Variants in NTM observed in about 807,000 individuals in gnomAD.
The protein encoded by NTM is neurotrimin.
NTM carries 13 observed loss-of-function variants against 42.1 expected under a neutral mutation model. That is an observed-to-expected ratio of 0.31 (90% CI 0.20 to 0.49). NTM has a LOEUF of 0.49. Ranked by LOEUF, NTM falls within the 20% of genes least tolerant of loss-of-function variation. The pLI is 0.99. For synonymous variants in NTM, 187 were observed against 179.2 expected (o/e 1.04, Z -0.35); for missense variants, 373 against 452.8 (o/e 0.82, Z 1.60).
rs528922133 is a variant in NTM, at chr11:132,067,288, C to G, written c.168-78994C>G. On this transcript the variant is annotated intron_variant, in intron 2 of 8. Transcript: ENST00000683400. Reference sequence around the variant, plus strand: ...TATTTTTTAGCCTCTCACAGTGTGCCCAACCTTTGGCTTCCAAAGATTCTT... The same window carrying G: ...TATTTTTTAGCCTCTCACAGTGTGCGCAACCTTTGGCTTCCAAAGATTCTT... Among the ~76,000 whole-genome samples, 19 of 152,322 alleles carry G rather than the reference C, an allele frequency of 1.2e-4. No individual in the cohort carries two copies. The South Asian group carries it at 3.9e-3, about 32-fold the overall frequency.
chr11:131,553,929 A>G (rs565100575), intron 1 of NTM, among the ~76,000 whole-genome samples: 1 of 152,282 alleles, frequency 6.6e-6, no homozygotes, highest in African/African-American at 2.4e-5. Flanking sequence ...TTGATACCTC[A>G]AGCCCTCTTA....
intron 1 of NTM, among the ~76,000 whole-genome samples, chr11:131,758,351 G>A (rs1421960058): frequency 6.6e-6 from 1 of 151,738 alleles, no homozygotes; most frequent in Non-Finnish European, 1.5e-5. Flanking sequence ...GCAAATGGAT[G>A]TTATTTACAT....
At chr11:131,473,024 A>C (rs1409916511) in intron 1 of NTM, among the ~76,000 whole-genome samples, 1 of 152,214 alleles carries the variant, frequency 6.6e-6, no homozygotes, top group Non-Finnish European at 1.5e-5. Flanking sequence ...TAATACTAAT[A>C]ACAATGAAAA....
At chr11:131,682,038 G>A (rs527868229) in intron 1 of NTM, among the ~76,000 whole-genome samples, 1 of 152,216 alleles carries the variant, frequency 6.6e-6, no homozygotes, top group African/African-American at 2.4e-5. Flanking sequence ...AAAGTACACC[G>A]AGGACCCAGC....
intron 1 of NTM, among the ~76,000 whole-genome samples, chr11:131,501,763 G>A (rs561284000): frequency 1.2e-4 from 19 of 152,296 alleles, no homozygotes; most frequent in African/African-American, 3.8e-4. Flanking sequence ...GGGAGTTAGA[G>A]AAAGCAAAAT....
chr11:131,688,275 A>G lies in NTM; in HGVS notation c.83-223289A>G, dbSNP rs560797189. Among the ~76,000 whole-genome samples, 175 of 152,304 alleles carry G rather than the reference A, an allele frequency of 1.1e-3. 1 individual carries two copies. Among genetic ancestry groups the G allele is most frequent in the African/African-American group, 4.0e-3 (165 of 41,586 alleles). ...TCAGCGGACTCCAGACAGGGGGGAA[A>G]GCAGCTTGCCCGTCCTCCTTCCGTG... On this transcript the variant is annotated intron_variant, in intron 1 of 8. Coordinates refer to ENST00000683400, the MANE Select transcript of NTM (RefSeq NM_001352005.2).
rs183035791 is a variant in NTM at position 132,156,067 on chromosome 11, C to T, written c.400+9553C>T. On this transcript the variant is annotated intron_variant, in intron 3 of 8. Transcript: ENST00000683400. ...CTCCCGACTGTTAGAATGAAAATAG[C>T]GATTCTGCCACACCCACTTTGCACC... is the stretch of plus-strand genomic sequence containing the variant. Among the ~76,000 whole-genome samples the T allele has an allele frequency of 5.3e-5, 8 of 152,246 alleles. No homozygotes were observed. The East Asian group carries it at 1.5e-3, about 29-fold the overall frequency.
intron 1 of NTM, among the ~76,000 whole-genome samples, chr11:131,599,855 C>T (rs932556420): frequency 3.9e-5 from 6 of 152,240 alleles, no homozygotes; most frequent in Non-Finnish European, 8.8e-5. Flanking sequence ...AGACCTAGAT[C>T]TGTAGCAGAA....
intron 1 of NTM, among the ~76,000 whole-genome samples, chr11:131,568,738 G>A (rs56326142): frequency 0.082 from 12,477 of 152,192 alleles, 1,519 homozygotes; most frequent in African/African-American, 0.27. Flanking sequence ...ACCACGGCCA[G>A]TTGAGTATGG....
At chr11:131,588,997 G>A (rs958857963) in intron 1 of NTM, among the ~76,000 whole-genome samples, 2 of 152,290 alleles carry the variant, frequency 1.3e-5, no homozygotes, top group African/African-American at 2.4e-5. Context: ...GGAGCCTCAC[G>A]CTGCAGAGGA....
At chr11:131,948,983 C>T (rs188182416) in intron 2 of NTM, among the ~76,000 whole-genome samples, 2 of 152,302 alleles carry the variant, frequency 1.3e-5, no homozygotes, top group East Asian at 3.9e-4. Context: ...AGCAACTCCA[C>T]GTTTCTCCCT....
At chr11:131,936,514 G>T (rs1353761927) in intron 2 of NTM, among the ~76,000 whole-genome samples, 1 of 152,174 alleles carries the variant, frequency 6.6e-6, no homozygotes, top group Non-Finnish European at 1.5e-5. Context: ...GGAGGTGAGG[G>T]TTGGAAAACT....
chr11:131,873,537 T>TGTGTGTGTGTATATATATACC (rs1565657182), intron 1 of NTM, among the ~76,000 whole-genome samples: 1 of 72,114 alleles, frequency 1.4e-5, no homozygotes, highest in African/African-American at 3.8e-5. Context: ...TGTGTGTGTG[T>TGTGTGTGTGTATATATATACC]GTATATATAT....
intron 1 of NTM, among the ~76,000 whole-genome samples, chr11:131,744,625 T>TA (rs147425331): frequency 0.027 from 4,085 of 151,982 alleles, 191 homozygotes; most frequent in African/African-American, 0.093. Flanking sequence ...ATGTTTTTTT[T>TA]AAAAAAAAGA....
At chr11:131,994,174 A>G (rs757271902) in intron 2 of NTM, among the ~76,000 whole-genome samples, 1 of 152,174 alleles carries the variant, frequency 6.6e-6, no homozygotes, top group Non-Finnish European at 1.5e-5. Flanking sequence ...TTGGCTAGTG[A>G]CAAGTCAGTG....
chr11:131,542,990 C>T (rs1018398701), intron 1 of NTM, among the ~76,000 whole-genome samples: 1 of 152,212 alleles, frequency 6.6e-6, no homozygotes, highest in Non-Finnish European at 1.5e-5. Flanking sequence ...GAACATGTCC[C>T]TGGTGCCCCT....
At chr11:131,694,333 C>T (rs192202741) in intron 1 of NTM, among the ~76,000 whole-genome samples, 5 of 152,318 alleles carry the variant, frequency 3.3e-5, no homozygotes, top group Admixed American at 3.3e-4. Flanking sequence ...TTTCATTCAA[C>T]ATTTATTCAG....
At chr11:131,908,048 A>G (rs2054122033) in intron 1 of NTM, among the ~76,000 whole-genome samples, 4 of 152,214 alleles carry the variant, frequency 2.6e-5, no homozygotes. Context: ...CCCACGAAGC[A>G]GGTATGAGGT....
rs80082493 is a variant in NTM, at chr11:132,003,055, C to G, written c.167+91407C>G. On this transcript the variant is annotated intron_variant, in intron 2 of 8. Coordinates refer to ENST00000683400, the MANE Select transcript of NTM (RefSeq NM_001352005.2). This position sits in a 1 kb window ranked among gnomAD's most constrained non-coding sequence, Gnocchi z 6.0. ...TAGGGTTAGGAAAGTAACTAGTGAGCGCACTAAACAGTAAGATGCGCTGCC... is the reference window on the plus strand; with the variant it reads ...TAGGGTTAGGAAAGTAACTAGTGAGGGCACTAAACAGTAAGATGCGCTGCC... Among the ~76,000 whole-genome samples the G allele has an allele frequency of 1.4e-4, 22 of 152,054 alleles. 1 individual carries two copies. Among genetic ancestry groups the G allele is most frequent in the Admixed American group, 1.4e-3 (22 of 15,272 alleles).
Sources: gnomAD v4.1 joint callset for allele counts (sites outside exome capture counted in the v4.1 genomes callset) on GRCh38, gnomAD v4.1.1 for gene constraint, Gnocchi (gnomAD v3.1) non-coding constraint, MANE v1.5 for transcripts, NCBI Gene and HGNC (gene_info 2026-07-23, HGNC 2026-07-21) for gene names.